Variants in KCNMB2 observed in about 807,000 individuals in gnomAD.
KCNMB2 encodes the protein potassium calcium-activated channel subfamily M regulatory beta subunit 2.
KCNMB2 carries 9 observed loss-of-function variants against 24.5 expected under a neutral mutation model. The ratio of observed to expected loss-of-function variants is 0.37; its 90% CI spans 0.22 to 0.64. The LOEUF (loss-of-function observed/expected upper bound fraction) is 0.64, where lower values mean the gene tolerates loss of function less well. Ranked by LOEUF, KCNMB2 falls within the 30% of genes least tolerant of loss-of-function variation. The pLI is 0.63. For synonymous variants in KCNMB2, 109 were observed against 104.4 expected, an observed-to-expected ratio of 1.04 and a Z score of -0.27; for missense variants, 226 against 284.3, an observed-to-expected ratio of 0.79 and a Z score of 1.47.
intron 1 of KCNMB2, among the ~76,000 whole-genome samples, chr3:178,714,398 G>A (rs528395011): frequency 6.6e-6 from 1 of 152,272 alleles, no homozygotes; most frequent in South Asian, 2.1e-4. Flanking sequence ...TGTTGGCTGA[G>A]GCAGCAGAAG....
rs1002014155 is a variant in KCNMB2 at position 178,807,346 on chromosome 3, T to A, written c.-64T>A. On this transcript the variant is annotated 5_prime_UTR_variant, in exon 2 of 5. Transcript: ENST00000452583. The stretch of plus-strand genomic sequence containing the variant: ...CTTCATTGTGTACCTCTTCTAGGTC[T>A]TTTTGCCATTCCTCCAGGACATCCA... The A allele has an allele frequency of 7.2e-7, 1 of 1,391,622 alleles. No individual in the cohort carries two copies. The highest frequency in any genetic ancestry group is 1.4e-5 in the African/African-American group (1 of 70,284). The allele number at this position is 1,391,622 out of a possible 1,614,324, so 86.2% of individuals were successfully genotyped here.
chr3:178,779,180 C>A (rs1712721344), intron 1 of KCNMB2, among the ~76,000 whole-genome samples: 2 of 152,162 alleles, frequency 1.3e-5, no homozygotes, highest in African/African-American at 4.8e-5. Flanking sequence ...CAGCCTCCCA[C>A]CCAGCCTTCA....
intron 3 of KCNMB2, among the ~76,000 whole-genome samples, chr3:178,827,071 G>A (rs1312400298): frequency 6.6e-6 from 1 of 152,066 alleles, no homozygotes; most frequent in Non-Finnish European, 1.5e-5. Context: ...CATGCAAAGG[G>A]GTAGGAAGCT....
At chr3:178,727,896 T>G (rs1340105736) in intron 1 of KCNMB2, among the ~76,000 whole-genome samples, 2 of 152,222 alleles carry the variant, frequency 1.3e-5, no homozygotes, top group African/African-American at 4.8e-5. Flanking sequence ...CAGGCCAGGT[T>G]AAATGCTACT....
intron 1 of KCNMB2, among the ~76,000 whole-genome samples, chr3:178,620,344 T>C (rs1718863630): frequency 6.6e-6 from 1 of 152,182 alleles, no homozygotes; most frequent in African/African-American, 2.4e-5. Context: ...AATTTTAAAT[T>C]ATTTTTTAGA....
At chr3:178,712,857 G>A (rs151250746) in intron 1 of KCNMB2, among the ~76,000 whole-genome samples, 34 of 151,982 alleles carry the variant, frequency 2.2e-4, no homozygotes, top group Admixed American at 9.8e-4. Context: ...TGTGAACTTC[G>A]TAACACATCT....
chr3:178,656,151 AATT>A (rs1178666244), intron 1 of KCNMB2, among the ~76,000 whole-genome samples: 1 of 152,230 alleles, frequency 6.6e-6, no homozygotes, highest in Non-Finnish European at 1.5e-5. Context: ...GTGGGACCTC[AATT>A]ATATTACATT....
chr3:178,690,625 C>T (rs1353295109), intron 1 of KCNMB2, among the ~76,000 whole-genome samples: 2 of 152,182 alleles, frequency 1.3e-5, no homozygotes, highest in African/African-American at 4.8e-5. Flanking sequence ...CTTCTTTACA[C>T]TTACTACTTT....
chr3:178,659,277 G>A (rs547502810), intron 1 of KCNMB2, among the ~76,000 whole-genome samples: 158 of 152,316 alleles, frequency 1.0e-3, no homozygotes, highest in Middle Eastern at 6.8e-3. Flanking sequence ...TGCATCCTCA[G>A]GTTTCCAGCC....
chr3:178,655,458 T>C (rs1178048675), intron 1 of KCNMB2, among the ~76,000 whole-genome samples: 1 of 152,122 alleles, frequency 6.6e-6, no homozygotes, highest in East Asian at 1.9e-4. Flanking sequence ...GTAGCCCAGA[T>C]GGAGTGCTGA....
At chr3:178,751,500 G>T (rs188973497) in intron 1 of KCNMB2, among the ~76,000 whole-genome samples, 1 of 147,010 alleles carries the variant, frequency 6.8e-6, no homozygotes, top group East Asian at 2.0e-4. Flanking sequence ...CTTGAACCTG[G>T]GAGGCAGAGG....
chr3:178,824,594 T>C (rs1014917766), intron 2 of KCNMB2: 4 of 166,186 alleles, frequency 2.4e-5, no homozygotes, highest in African/African-American at 7.2e-5. Flanking sequence ...CAGGATGATC[T>C]CAATCGTCTG....
At chr3:178,601,701 T>C (rs1308356546) in intron 1 of KCNMB2, among the ~76,000 whole-genome samples, 1 of 152,204 alleles carries the variant, frequency 6.6e-6, no homozygotes, top group African/African-American at 2.4e-5. Flanking sequence ...TTCTCGGATA[T>C]TCTTAAAGTT....
At chr3:178,656,835 G>C (rs898157814) in intron 1 of KCNMB2, among the ~76,000 whole-genome samples, 1 of 152,092 alleles carries the variant, frequency 6.6e-6, no homozygotes, top group Admixed American at 6.6e-5. Flanking sequence ...TCTCACCTGT[G>C]AAGTTTAAAC....
At position 178,757,349 on chromosome 3, in the gene KCNMB2, GATATATAT is replaced by G. The variant is rs768743661; in HGVS notation, c.-67-49977_-67-49970del. Among the ~76,000 whole-genome samples, 3 of 19,630 alleles carry G rather than the reference GATATATAT, an allele frequency of 1.5e-4. 1 individual carries two copies. The highest frequency in any genetic ancestry group is 6.1e-4 in the African/African-American group (3 of 4,896). The allele number at this position is 19,630 out of a possible 152,430, so 12.9% of individuals were successfully genotyped here. Reference sequence around the variant, plus strand: ...ATATATATGTATATATATCCAAGAGGATATATATATATATATATATATATCCAAGAGGA... The same window carrying G: ...ATATATATGTATATATATCCAAGAGGATATATATATATATATCCAAGAGGA... On this transcript the variant is annotated intron_variant, in intron 1 of 4. Transcript: ENST00000452583.
chr3:178,806,729 C>T (rs940163096), intron 1 of KCNMB2, among the ~76,000 whole-genome samples: 3 of 151,232 alleles, frequency 2.0e-5, no homozygotes, highest in South Asian at 4.2e-4. Flanking sequence ...CCACAACATT[C>T]TTAAAATATC....
At chr3:178,609,918 G>T (rs1022459535) in intron 1 of KCNMB2, among the ~76,000 whole-genome samples, 7 of 152,166 alleles carry the variant, frequency 4.6e-5, no homozygotes, top group Admixed American at 3.3e-4. Flanking sequence ...GATTACAGGT[G>T]TGAGTCACCA....
At chr3:178,662,641 T>C (rs1720573739) in intron 1 of KCNMB2, among the ~76,000 whole-genome samples, 1 of 152,198 alleles carries the variant, frequency 6.6e-6, no homozygotes, top group South Asian at 2.1e-4. Flanking sequence ...ATATAAATTG[T>C]GGATAATAAT....
intron 1 of KCNMB2, among the ~76,000 whole-genome samples, chr3:178,712,735 TC>T (rs1488116240): frequency 3.3e-5 from 5 of 152,210 alleles, no homozygotes; most frequent in Non-Finnish European, 7.3e-5. Context: ...GAGCCAGGAT[TC>T]AGACAGACTC....
Sources: gnomAD v4.1 joint callset for allele counts (sites outside exome capture counted in the v4.1 genomes callset) on GRCh38, gnomAD v4.1.1 for gene constraint, MANE v1.5 for transcripts, NCBI Gene and HGNC (gene_info 2026-07-23, HGNC 2026-07-21) for gene names.